The following ARHGEF28 variants were observed in gnomAD, a reference collection of about 807,000 sequenced individuals.
ARHGEF28 encodes Rho guanine nucleotide exchange factor 28.
In ARHGEF28, 152 loss-of-function variants were observed where a neutral mutation model predicts 206.6. The observed-to-expected ratio is 0.74, with a 90% CI of 0.64 to 0.84. The LOEUF (loss-of-function observed/expected upper bound fraction) is 0.84. Ranked by LOEUF, ARHGEF28 falls within the 40% of genes least tolerant of loss-of-function variation. The pLI is 0.00. For missense variants in ARHGEF28, 2,028 were observed against 2,073.2 expected (o/e 0.98, Z 0.42); for synonymous variants, 763 against 776.4 (o/e 0.98, Z 0.29).
At chr5:73,851,406 CTTTT>C (rs77725087) in intron 13 of ARHGEF28, among the ~76,000 whole-genome samples, 1 of 139,330 alleles carries the variant, frequency 7.2e-6, no homozygotes, top group Admixed American at 7.1e-5. Context: ...TCTCATGCGT[CTTTT>C]TTTTTTTTTT....
chr5:73,836,402 G>A (rs146008356), intron 10 of ARHGEF28, among the ~76,000 whole-genome samples: 48 of 150,620 alleles, frequency 3.2e-4, no homozygotes, highest in African/African-American at 1.1e-3. Context: ...GATTAGTGAC[G>A]TTGAGCACTT....
At chr5:73,764,915 A>G (rs1241269196) in intron 4 of ARHGEF28, among the ~76,000 whole-genome samples, 1 of 152,210 alleles carries the variant, frequency 6.6e-6, no homozygotes, top group Admixed American at 6.5e-5. Flanking sequence ...CTTATTGAGA[A>G]TCCTGAAAAC....
chr5:73,878,985 G>A (rs1470531699), intron 22 of ARHGEF28, among the ~76,000 whole-genome samples: 1 of 152,084 alleles, frequency 6.6e-6, no homozygotes, highest in Non-Finnish European at 1.5e-5. Flanking sequence ...TTGCTAGATT[G>A]GGGAAGTTCT....
intron 35 of ARHGEF28, among the ~76,000 whole-genome samples, chr5:73,922,503 G>A (rs1010661020): frequency 6.6e-6 from 1 of 152,212 alleles, no homozygotes; most frequent in Admixed American, 6.5e-5. Flanking sequence ...TCTTAAGCTT[G>A]TGTGCTTGTC....
intron 16 of ARHGEF28, 114 bp from the exon 17 acceptor site, chr5:73,864,703 T>C: frequency 1.2e-6 from 1 of 857,164 alleles, no homozygotes; most frequent in Non-Finnish European, 1.8e-6. Flanking sequence ...TTTCCAGATA[T>C]TTGTAATGTT....
chr5:73,782,454 C>A (rs1457024253), intron 7 of ARHGEF28, among the ~76,000 whole-genome samples: 1 of 151,914 alleles, frequency 6.6e-6, no homozygotes, highest in Non-Finnish European at 1.5e-5. Flanking sequence ...CAAAACAAAA[C>A]AAAACAAAAC....
At chr5:73,789,237 A>G (rs890090144) in intron 7 of ARHGEF28, among the ~76,000 whole-genome samples, 5 of 152,364 alleles carry the variant, frequency 3.3e-5, no homozygotes, top group Admixed American at 3.3e-4. Flanking sequence ...GTACTAATAC[A>G]TGCTACGGCA....
chr5:73,645,715 A>G (rs1205964982), intron 1 of ARHGEF28, among the ~76,000 whole-genome samples: 1 of 152,208 alleles, frequency 6.6e-6, no homozygotes, highest in African/African-American at 2.4e-5. Context: ...AAATTCTTGT[A>G]ATAGCTTTAA....
intron 22 of ARHGEF28, among the ~76,000 whole-genome samples, chr5:73,879,110 G>C (rs941153368): frequency 3.3e-5 from 5 of 152,106 alleles, no homozygotes; most frequent in African/African-American, 9.7e-5. Flanking sequence ...ATTTCTTGGA[G>C]GCTTTGTTCG....
At chr5:73,801,387 C>T (rs934880465) in intron 9 of ARHGEF28, among the ~76,000 whole-genome samples, 1 of 151,916 alleles carries the variant, frequency 6.6e-6, no homozygotes, top group African/African-American at 2.4e-5. Context: ...GCAGAGCTTG[C>T]AGTGAGCCGA....
chr5:73,646,566 C>T (rs1744438680), intron 1 of ARHGEF28, among the ~76,000 whole-genome samples: 1 of 152,172 alleles, frequency 6.6e-6, no homozygotes, highest in Admixed American at 6.5e-5. Flanking sequence ...CATGTGGGTC[C>T]TTGGCTTTCT....
Position 73,782,018 on chromosome 5 carries a change from A to G in ARHGEF28, c.910+1273A>G, listed in dbSNP as rs186537048. ...CAAGGCGCTTGTTCCTAAGCCACCA[A>G]TGTTAATAGCTGGTCAATACTTTTG... On this transcript the variant is annotated intron_variant, in intron 7 of 35. Coordinates refer to ENST00000513042, the MANE Select transcript of ARHGEF28 (RefSeq NM_001177693.2). 6.6e-4 allele frequency among the ~76,000 whole-genome samples: 101 copies of G among 152,114 alleles called. No individual in the cohort carries two copies. The East Asian group carries it at 0.016, about 23-fold the overall frequency.
intron 4 of ARHGEF28, among the ~76,000 whole-genome samples, chr5:73,762,480 A>C (rs866972707): frequency 0.012 from 1,854 of 150,760 alleles, 39 homozygotes; most frequent in African/African-American, 0.043. Flanking sequence ...AAAAAACAAA[A>C]CAACAACAAC....
chr5:73,739,593 C>T lies in ARHGEF28; in HGVS notation c.34-10244C>T, dbSNP rs562119258. Among the ~76,000 whole-genome samples the T allele has an allele frequency of 5.3e-5, 8 of 151,240 alleles. No individual in the cohort carries two copies. The East Asian group carries it at 7.9e-4, about 15-fold the overall frequency. On this transcript the variant is annotated intron_variant, in intron 2 of 35. Transcript: ENST00000513042. ...TAACACTTCAGGAAGCTGAGGCGGG[C>T]GGATCGCTTGAGCCCAGGAGTTCAG... is the stretch of plus-strand genomic sequence containing the variant.
chr5:73,936,011 A>G (rs1456294891), intron 35 of ARHGEF28, among the ~76,000 whole-genome samples: 3 of 152,232 alleles, frequency 2.0e-5, no homozygotes, highest in African/African-American at 7.2e-5. Flanking sequence ...TCAGACCTTG[A>G]CAGTGGATGT....
intron 2 of ARHGEF28, among the ~76,000 whole-genome samples, chr5:73,729,182 C>G (rs545164723): frequency 2.2e-4 from 33 of 152,228 alleles, no homozygotes; most frequent in African/African-American, 7.9e-4. Context: ...TGATCTTAGG[C>G]AAGTTATTTA....
intron 35 of ARHGEF28, among the ~76,000 whole-genome samples, chr5:73,923,818 A>G (rs1763657091): frequency 6.6e-6 from 1 of 152,204 alleles, no homozygotes; most frequent in Non-Finnish European, 1.5e-5. Context: ...AATATGTTGC[A>G]TGAAGGGATA....
At chr5:73,748,290 A>G (rs1751844632) in intron 2 of ARHGEF28, among the ~76,000 whole-genome samples, 1 of 152,172 alleles carries the variant, frequency 6.6e-6, no homozygotes, top group Non-Finnish European at 1.5e-5. Context: ...ATGTGTGCAC[A>G]TACACACGCA....
intron 3 of ARHGEF28, among the ~76,000 whole-genome samples, chr5:73,751,623 T>C (rs1297932034): frequency 6.6e-6 from 1 of 152,158 alleles, no homozygotes; most frequent in African/African-American, 2.4e-5. Flanking sequence ...CTTTTTATCT[T>C]TTTCTTTACT....
Sources: gnomAD v4.1 joint callset for allele counts (sites outside exome capture counted in the v4.1 genomes callset) on GRCh38, gnomAD v4.1.1 for gene constraint, MANE v1.5 for transcripts, NCBI Gene and HGNC (gene_info 2026-07-23, HGNC 2026-07-21) for gene names.